The following FBXL17 variants were observed in gnomAD, a reference collection of about 807,000 sequenced individuals.
FBXL17 encodes F-box/LRR-repeat protein 17.
Under a neutral mutation model 66.2 loss-of-function variants are expected in FBXL17, and 22 were observed. The ratio of observed to expected loss-of-function variants is 0.33; its 90% confidence interval spans 0.24 to 0.47. FBXL17 has a LOEUF of 0.47. Ranked by LOEUF, FBXL17 falls within the 20% of genes least tolerant of loss-of-function variation. FBXL17 has a pLI of 1.00. For missense variants in FBXL17, 878 were observed against 948.2 expected, an observed-to-expected ratio of 0.93 and a Z score of 0.97; for synonymous variants, 474 against 400.5, an observed-to-expected ratio of 1.18 and a Z score of -2.19.
chr5:108,360,510 T>A (rs1009832665), intron 3 of FBXL17, among the ~76,000 whole-genome samples: 1 of 152,160 alleles, frequency 6.6e-6, no homozygotes, highest in African/African-American at 2.4e-5. Context: ...TTTTGCTGCT[T>A]TGAAGATTCT....
At chr5:108,009,288 T>TAGATAG (rs1294587845) in intron 7 of FBXL17, among the ~76,000 whole-genome samples, 3 of 28,748 alleles carry the variant, frequency 1.0e-4, no homozygotes, top group East Asian at 1.1e-3. Context: ...TATATATATA[T>TAGATAG]ATATATATAT....
At chr5:108,262,070 A>ATTTTT (rs200282593) in intron 4 of FBXL17, among the ~76,000 whole-genome samples, 7 of 138,930 alleles carry the variant, frequency 5.0e-5, no homozygotes, top group East Asian at 4.1e-4. Flanking sequence ...TTATTTATTT[A>ATTTTT]TTTATTTATT....
chr5:108,376,370 G>GA (rs1488143849), intron 1 of FBXL17, among the ~76,000 whole-genome samples: 2 of 152,112 alleles, frequency 1.3e-5, no homozygotes, highest in East Asian at 1.9e-4. Context: ...CTTATATAGA[G>GA]AAAATCCCAG....
At chr5:108,257,814 A>C (rs1472515401) in intron 4 of FBXL17, among the ~76,000 whole-genome samples, 2 of 152,142 alleles carry the variant, frequency 1.3e-5, no homozygotes, top group Admixed American at 6.5e-5. Context: ...ATTGTATTAT[A>C]ATTTTTTTGA....
intron 7 of FBXL17, among the ~76,000 whole-genome samples, chr5:108,018,206 TA>T (rs1353658531): frequency 6.6e-6 from 1 of 152,136 alleles, no homozygotes; most frequent in African/African-American, 2.4e-5. Context: ...TTTCCCGCTG[TA>T]TCAGATGTAC....
At chr5:108,083,510 C>T (rs1748854509) in intron 6 of FBXL17, among the ~76,000 whole-genome samples, 1 of 152,030 alleles carries the variant, frequency 6.6e-6, no homozygotes, top group African/African-American at 2.4e-5. Flanking sequence ...AAGCCATTCT[C>T]GCATCTCAGC....
At position 108,381,526 on chromosome 5, in the gene FBXL17, G is replaced by A. The variant is rs1749930756; in HGVS notation, c.166C>T (p.Arg56Cys). ...ATGAAGCAGAGCATGCAGGGCCCGC[G>A]GAAGAAGCAGTCCCGGCTCCGGGGC... is the stretch of plus-strand genomic sequence containing the variant. ...AAPRSRDCFF[R>C]GPCMLCFIVH... Residue 56 changes from arginine to cysteine, a missense_variant, in exon 1 of 9, where the codon CGC (arginine) becomes TGC (cysteine). This residue lies in a region of FBXL17 where 605 missense variants were observed against 509.5 expected (regional missense o/e 1.19). Transcript: ENST00000542267. 1 of 1,413,726 alleles carries A rather than the reference G, an allele frequency of 7.1e-7. No individual in the cohort carries two copies. The highest frequency in any genetic ancestry group is 9.1e-7 in the Non-Finnish European group (1 of 1,093,356). The allele number at this position is 1,413,726 out of a possible 1,614,324, so 87.6% of individuals were successfully genotyped here.
At chr5:108,050,334 T>C (rs904917976) in intron 6 of FBXL17, among the ~76,000 whole-genome samples, 2 of 152,130 alleles carry the variant, frequency 1.3e-5, no homozygotes, top group East Asian at 3.9e-4. Flanking sequence ...CCTCAGCAAA[T>C]GCAAAAGAAC....
chr5:107,871,069 A>AAAAACAAAAAAAAAC (rs1554080843), intron 8 of FBXL17, among the ~76,000 whole-genome samples: 1 of 130,174 alleles, frequency 7.7e-6, no homozygotes, highest in Non-Finnish European at 1.6e-5. Flanking sequence ...AAAAAAAAAA[A>AAAAACAAAAAAAAAC]AAAAAAAAAA....
Position 108,187,456 on chromosome 5 carries a change from C to A in FBXL17, c.1615-1209G>T, listed in dbSNP as rs192012391. Among the ~76,000 whole-genome samples the A allele has an allele frequency of 2.6e-3, 390 of 152,222 alleles. 4 individuals carry two copies. The highest frequency in any genetic ancestry group is 9.0e-3 in the African/African-American group (373 of 41,538). The stretch of plus-strand genomic sequence containing the variant: ...GATTATCCCAGGTTATCTGAGTAGT[C>A]CCAGTGTAATCACTGGAGACCCTTA... On this transcript the variant is annotated intron_variant, in intron 5 of 8. Transcript: ENST00000542267.
At chr5:108,029,465 T>C (rs1166160277) in intron 6 of FBXL17, among the ~76,000 whole-genome samples, 3 of 152,068 alleles carry the variant, frequency 2.0e-5, no homozygotes, top group Non-Finnish European at 2.9e-5. Context: ...TCCAAAGCTC[T>C]TGGGACTGCC....
chr5:108,337,934 C>A (rs867892057), intron 4 of FBXL17, among the ~76,000 whole-genome samples: 10 of 151,888 alleles, frequency 6.6e-5, no homozygotes, highest in African/African-American at 2.2e-4. Flanking sequence ...CCATTAAATT[C>A]TTCGCACAAA....
Position 108,224,241 on chromosome 5 carries a change from C to T in FBXL17, c.1507-13G>A, listed in dbSNP as rs377134430. 4.7e-6 allele frequency: 7 copies of T among 1,502,100 alleles called. No homozygotes were observed. In the South Asian group the frequency reaches 7.0e-5, roughly 15 times the overall value. The allele number at this position is 1,502,100 out of a possible 1,614,324, so 93.0% of individuals were successfully genotyped here. The stretch of plus-strand genomic sequence containing the variant: ...ACTGATCTGTCACCTAGGGAAAAGA[C>T]ATGGATGAAATTATTCAAGGTAATA... On this transcript the variant is annotated splice_polypyrimidine_tract_variant and intron_variant, in intron 4 of 8. Transcript: ENST00000542267.
chr5:108,341,240 T>C (rs1746864617), intron 4 of FBXL17, among the ~76,000 whole-genome samples: 1 of 152,182 alleles, frequency 6.6e-6, no homozygotes, highest in African/African-American at 2.4e-5. Context: ...GACTCATATA[T>C]ACTTTGTGAG....
At chr5:108,328,063 A>G (rs911907346) in intron 4 of FBXL17, among the ~76,000 whole-genome samples, 2 of 152,194 alleles carry the variant, frequency 1.3e-5, no homozygotes, top group Non-Finnish European at 2.9e-5. Flanking sequence ...TCTGTCTGAC[A>G]CAAAAACTAT....
intron 8 of FBXL17, among the ~76,000 whole-genome samples, chr5:107,874,480 T>C (rs1748554797): frequency 6.6e-6 from 1 of 152,200 alleles, no homozygotes; most frequent in African/African-American, 2.4e-5. Flanking sequence ...TAAATGTCAT[T>C]ATCATCCCCA....
chr5:108,092,773 G>A (rs1749234020), intron 6 of FBXL17, among the ~76,000 whole-genome samples: 1 of 152,038 alleles, frequency 6.6e-6, no homozygotes, highest in Non-Finnish European at 1.5e-5. Flanking sequence ...TTTCCCAAAG[G>A]GAACAGAATG....
chr5:108,246,894 T>G (rs1356250782), intron 4 of FBXL17, among the ~76,000 whole-genome samples: 1 of 152,240 alleles, frequency 6.6e-6, no homozygotes, highest in African/African-American at 2.4e-5. Context: ...TTAGTTTTGT[T>G]GAGGAGACTC....
chr5:108,183,825 T>C (rs1753112685), intron 6 of FBXL17, among the ~76,000 whole-genome samples: 1 of 152,206 alleles, frequency 6.6e-6, no homozygotes, highest in African/African-American at 2.4e-5. Flanking sequence ...TATTTGGTTT[T>C]TGATTCCTGA....
Sources: gnomAD v4.1 joint callset for allele counts (sites outside exome capture counted in the v4.1 genomes callset) on GRCh38, gnomAD v4.1.1 for gene constraint, gnomAD v4.1.1 regional missense constraint, MANE v1.5 for transcripts, NCBI Gene and HGNC (gene_info 2026-07-23, HGNC 2026-07-21) for gene names.